Variants in FBXO25 observed in about 807,000 individuals in gnomAD.
FBXO25 encodes F-box protein 25.
A neutral mutation model predicts 51.9 loss-of-function variants in FBXO25; 45 were observed. The observed-to-expected ratio is 0.87, with a 90% confidence interval of 0.68 to 1.11. The LOEUF is 1.11. Among genes scored for constraint, FBXO25 ranks in the 50% most tolerant of loss-of-function variants. The probability of loss-of-function intolerance (pLI) is 0.00; values close to 1 mark genes in which losing one functional copy is unlikely to be tolerated. For synonymous variants in FBXO25, 199 were observed against 151.0 expected (o/e 1.32, Z -2.33); for missense variants, 507 against 428.5 (o/e 1.18, Z -1.62).
At chr8:446,341 G>T (rs924150931) in intron 5 of FBXO25, among the ~76,000 whole-genome samples, 4 of 152,124 alleles carry the variant, frequency 2.6e-5, no homozygotes, top group East Asian at 1.9e-4. Context: ...AGGAATAAAA[G>T]ATATTTGTAC....
rs181354815 is a variant in FBXO25 at position 412,752 on chromosome 8, T to C, written c.-7-321T>C. On this transcript the variant is annotated intron_variant, in intron 1 of 9. Coordinates refer to ENST00000350302, the MANE Select transcript of FBXO25 (RefSeq NM_183420.2). ...CTAACTTCTGGCAAAGAGAGAATACTTGTTTGGAATAATATTCCCTATTCC... is the reference window on the plus strand; with the variant it reads ...CTAACTTCTGGCAAAGAGAGAATACCTGTTTGGAATAATATTCCCTATTCC... Among the ~76,000 whole-genome samples the C allele has an allele frequency of 4.6e-3, 707 of 152,348 alleles. 6 individuals are homozygous for C. The highest frequency in any genetic ancestry group is 0.017 in the Middle Eastern group (5 of 294).
chr8:429,518 A>G lies in FBXO25; in HGVS notation c.135-1823A>G, dbSNP rs149714029. ...GATTGCTATGAAATGTAGTTGATAC[A>G]TGCAGAATGGAAAGATTTATAAATT... On this transcript the variant is annotated intron_variant, in intron 2 of 9. Transcript: ENST00000350302. Among the ~76,000 whole-genome samples the G allele has an allele frequency of 6.2e-3, 949 of 152,342 alleles. 5 individuals carry two copies. Among genetic ancestry groups the G allele is most frequent in the Admixed American group, 0.012 (190 of 15,302 alleles).
chr8:421,247 G>T (rs1345807356), intron 2 of FBXO25, among the ~76,000 whole-genome samples: 1 of 152,222 alleles, frequency 6.6e-6, no homozygotes, highest in Non-Finnish European at 1.5e-5. Flanking sequence ...ATCTGAGGTG[G>T]CACAGTTTCA....
chr8:467,338 C>A (rs1477403081), intron 9 of FBXO25, among the ~76,000 whole-genome samples: 1 of 152,128 alleles, frequency 6.6e-6, no homozygotes, highest in East Asian at 1.9e-4. Context: ...AAAGAACTTT[C>A]CCCAAAAAAA....
chr8:450,160 A>T, intron 6 of FBXO25, 77 bp downstream of exon 6: 1 of 1,040,864 alleles, frequency 9.6e-7, no homozygotes, highest in Non-Finnish European at 1.5e-6. Context: ...TTTTTCTTTT[A>T]TCTTTACCCA....
At chr8:428,000 C>G (rs955240289) in intron 2 of FBXO25, among the ~76,000 whole-genome samples, 1 of 152,090 alleles carries the variant, frequency 6.6e-6, no homozygotes, top group Non-Finnish European at 1.5e-5. Context: ...GAAATACCAT[C>G]AGAGGAAAAT....
At chr8:419,741 CT>C (rs1478801209) in intron 2 of FBXO25, among the ~76,000 whole-genome samples, 2 of 152,134 alleles carry the variant, frequency 1.3e-5, no homozygotes, top group African/African-American at 4.8e-5. Flanking sequence ...TCTGCATGAT[CT>C]TGGGCAGAGT....
intron 2 of FBXO25, among the ~76,000 whole-genome samples, chr8:426,798 G>A (rs1204629621): frequency 5.9e-4 from 77 of 131,556 alleles, no homozygotes; most frequent in African/African-American, 1.9e-3. Flanking sequence ...GCCCACATTG[G>A]CTGTGGCTCC....
At chr8:433,250 G>C (rs553176260) in intron 4 of FBXO25, among the ~76,000 whole-genome samples, 1 of 151,954 alleles carries the variant, frequency 6.6e-6, no homozygotes, top group African/African-American at 2.4e-5. Flanking sequence ...GCAGATACTG[G>C]TGTGTGGGAT....
intron 2 of FBXO25, among the ~76,000 whole-genome samples, chr8:425,684 T>C (rs1270147613): frequency 2.0e-5 from 3 of 151,962 alleles, no homozygotes; most frequent in African/African-American, 7.2e-5. Flanking sequence ...CTGAGTCCTA[T>C]AAATTCTCTA....
At chr8:418,744 A>G (rs1158355884) in intron 2 of FBXO25, among the ~76,000 whole-genome samples, 3 of 152,242 alleles carry the variant, frequency 2.0e-5, no homozygotes, top group Admixed American at 1.3e-4. Context: ...ACAAAACACT[A>G]GGATGCACAG....
At chr8:458,175 C>G (rs1563094557) in intron 7 of FBXO25, among the ~76,000 whole-genome samples, 194 bp from the exon 8 acceptor site, 1 of 152,208 alleles carries the variant, frequency 6.6e-6, no homozygotes, top group Non-Finnish European at 1.5e-5. Context: ...CTGTGCAGCC[C>G]TCTCTTGCTC....
At chr8:436,104 T>G (rs1798089294) in intron 5 of FBXO25, among the ~76,000 whole-genome samples, 1 of 152,232 alleles carries the variant, frequency 6.6e-6, no homozygotes. Flanking sequence ...GAGGCTTGTG[T>G]CGCAGAGGAA....
intron 2 of FBXO25, among the ~76,000 whole-genome samples, chr8:418,166 G>A (rs751766933): frequency 1.3e-5 from 2 of 152,034 alleles, no homozygotes; most frequent in Admixed American, 6.5e-5. Context: ...TTCATGTAAA[G>A]GTGCTGTCTG....
At chr8:436,940 C>T (rs988199840) in intron 5 of FBXO25, among the ~76,000 whole-genome samples, 1 of 152,130 alleles carries the variant, frequency 6.6e-6, no homozygotes. Context: ...GCTGGGTGCC[C>T]TGCTGTCTCA....
At chr8:421,057 C>T (rs538023169) in intron 2 of FBXO25, among the ~76,000 whole-genome samples, 1 of 152,322 alleles carries the variant, frequency 6.6e-6, no homozygotes, top group African/African-American at 2.4e-5. Flanking sequence ...CCTGTTAGGA[C>T]CTGGGCCACA....
intron 9 of FBXO25, among the ~76,000 whole-genome samples, chr8:464,107 C>T (rs1799995626): frequency 6.6e-6 from 1 of 152,092 alleles, no homozygotes; most frequent in African/African-American, 2.4e-5. Flanking sequence ...TAGCTGGGAC[C>T]AGCTGATTTT....
intron 5 of FBXO25, among the ~76,000 whole-genome samples, chr8:445,430 C>G (rs112047108): frequency 1.8e-4 from 28 of 152,322 alleles, no homozygotes; most frequent in African/African-American, 6.7e-4. Context: ...AATGTTGTCT[C>G]AGGGGTCCTT....
In FBXO25 at chr8:468,143, G is replaced by A. The variant is rs873162; in HGVS notation, c.988-572G>A. 7.1e-3 allele frequency: 7,345 copies of A among 1,033,718 alleles called. 35 individuals carry two copies. Among genetic ancestry groups the A allele is most frequent in the East Asian group, 0.029 (323 of 11,148 alleles). 64.0% of individuals were successfully genotyped at this position (1,033,718 alleles called of 1,614,324 possible). A position where few individuals can be genotyped will look rare whatever the true frequency, so the allele number is the denominator to read the frequency against. ...CATCCACAAAATTAATTTTTCTGTC[G>A]TCACTTCTCATATTAAATATAATTC... On this transcript the variant is annotated intron_variant, in intron 9 of 9. Transcript: ENST00000350302.
Sources: gnomAD v4.1 joint callset for allele counts (sites outside exome capture counted in the v4.1 genomes callset) on GRCh38, gnomAD v4.1.1 for gene constraint, MANE v1.5 for transcripts, NCBI Gene and HGNC (gene_info 2026-07-23, HGNC 2026-07-21) for gene names.